Variants in CACNA1C observed in about 807,000 individuals in gnomAD.
CACNA1C encodes the protein calcium voltage-gated channel subunit alpha1 C, also known as voltage-dependent L-type calcium channel subunit alpha-1C.
A neutral mutation model predicts 229.0 loss-of-function variants in CACNA1C; 30 were observed. The ratio of observed to expected loss-of-function variants is 0.13; its 90% CI spans 0.10 to 0.18. The LOEUF is 0.18. Ranked by LOEUF, CACNA1C falls within the 10% of genes least tolerant of loss-of-function variation. CACNA1C has a pLI of 1.00. For missense variants in CACNA1C, 1,658 were observed against 2,845.0 expected, an observed-to-expected ratio of 0.58 and a Z score of 9.49; for synonymous variants, 1,114 against 1,132.5, an observed-to-expected ratio of 0.98 and a Z score of 0.33.
intron 3 of CACNA1C, among the ~76,000 whole-genome samples, chr12:2,392,996 A>G (rs2098512168): frequency 6.6e-6 from 1 of 152,140 alleles, no homozygotes. Context: ...TTAACCCTCT[A>G]GTATTAGCAC....
At chr12:2,310,901 A>G (rs902396048) in intron 3 of CACNA1C, among the ~76,000 whole-genome samples, 8 of 152,214 alleles carry the variant, frequency 5.3e-5, no homozygotes, top group African/African-American at 1.9e-4. Context: ...TGAGGGGTAG[A>G]AAAAGGAAGA....
intron 3 of CACNA1C, among the ~76,000 whole-genome samples, chr12:2,415,561 C>A (rs113171976): frequency 1.1e-4 from 17 of 152,190 alleles, no homozygotes; most frequent in Middle Eastern, 3.2e-3. Flanking sequence ...ACACCACCGT[C>A]CCAAGAAGAA....
intron 3 of CACNA1C, among the ~76,000 whole-genome samples, chr12:2,163,670 T>C (rs1169478663): frequency 1.3e-5 from 2 of 152,186 alleles, no homozygotes; most frequent in African/African-American, 4.8e-5. Context: ...GCAGGCGAGT[T>C]GACCATGGCT....
chr12:2,095,389 C>T (rs1386397378), intron 1 of CACNA1C, among the ~76,000 whole-genome samples: 3 of 152,198 alleles, frequency 2.0e-5, no homozygotes, highest in Non-Finnish European at 4.4e-5. Context: ...GTTTTTACAG[C>T]TCTAGGTTCT....
chr12:2,496,204 G>A (rs1053688843), intron 7 of CACNA1C, among the ~76,000 whole-genome samples: 1 of 152,182 alleles, frequency 6.6e-6, no homozygotes, highest in African/African-American at 2.4e-5. Flanking sequence ...GTTTGAAAAC[G>A]CTGGAAATCT....
chr12:2,367,359 C>A (rs2097753928), intron 3 of CACNA1C, among the ~76,000 whole-genome samples: 1 of 152,180 alleles, frequency 6.6e-6, no homozygotes, highest in African/African-American at 2.4e-5. Context: ...CGGTACCGGT[C>A]CGCCATTGTG....
chr12:2,100,249 C>A (rs528420791), intron 1 of CACNA1C, among the ~76,000 whole-genome samples: 1 of 151,954 alleles, frequency 6.6e-6, no homozygotes, highest in African/African-American at 2.4e-5. Context: ...ACTTCGAGAC[C>A]AGCCTGGCCA....
chr12:1,994,086 T>C (rs1446051435), intron 1 of CACNA1C, among the ~76,000 whole-genome samples: 2 of 152,246 alleles, frequency 1.3e-5, no homozygotes, highest in African/African-American at 4.8e-5. Flanking sequence ...TCAATAAACC[T>C]TGAATGCCTG....
In CACNA1C at chr12:2,352,702, G is replaced by A. The variant is rs188348955; in HGVS notation, c.478-96274G>A. Reference sequence around the variant, plus strand: ...TGGGGAGATGCTGGTTACCCCCAAGGATGCTGAATTAGCACTGCATTACTT... The same window carrying A: ...TGGGGAGATGCTGGTTACCCCCAAGAATGCTGAATTAGCACTGCATTACTT... On this transcript the variant is annotated intron_variant, in intron 3 of 46. Transcript: ENST00000399655. Among the ~76,000 whole-genome samples the A allele has an allele frequency of 1.2e-3, 180 of 149,538 alleles. 2 individuals are homozygous for A. Among genetic ancestry groups the A allele is most frequent in the Non-Finnish European group, 2.7e-4 (18 of 66,892 alleles).
chr12:2,266,027 G>A (rs534268074), intron 3 of CACNA1C, among the ~76,000 whole-genome samples: 14 of 152,348 alleles, frequency 9.2e-5, no homozygotes, highest in Admixed American at 1.3e-4. Flanking sequence ...ATGCCTCATC[G>A]TTGGGCTCCG....
intron 7 of CACNA1C, among the ~76,000 whole-genome samples, chr12:2,497,375 CTGATAGGGGT>C (rs2099748790): frequency 6.6e-6 from 1 of 152,182 alleles, no homozygotes; most frequent in Non-Finnish European, 1.5e-5. Context: ...GACATGGCCA[CTGATAGGGGT>C]TGGGGACACA....
At chr12:2,209,319 A>G (rs1202766685) in intron 3 of CACNA1C, among the ~76,000 whole-genome samples, 1 of 152,206 alleles carries the variant, frequency 6.6e-6, no homozygotes, top group East Asian at 1.9e-4. Context: ...AACACCAACA[A>G]TCCTTATGAA....
At chr12:2,513,208 A>G (rs947384870) in intron 9 of CACNA1C, among the ~76,000 whole-genome samples, 6 of 152,236 alleles carry the variant, frequency 3.9e-5, no homozygotes, top group African/African-American at 1.2e-4. Context: ...TCCTTTTAGA[A>G]TATTTCACCT....
intron 1 of CACNA1C, among the ~76,000 whole-genome samples, chr12:2,000,085 C>T (rs4765873): frequency 0.09 from 13,738 of 152,154 alleles, 1,015 homozygotes; most frequent in East Asian, 0.41. Flanking sequence ...GAAAATGGCC[C>T]CTACAGTACA....
At chr12:2,143,488 A>G (rs1005457385) in intron 3 of CACNA1C, among the ~76,000 whole-genome samples, 4 of 150,884 alleles carry the variant, frequency 2.7e-5, no homozygotes, top group Non-Finnish European at 5.9e-5. Context: ...TACCTTATCT[A>G]TGTTTAGACA....
At chr12:2,548,065 T>C (rs544644809) in intron 9 of CACNA1C, among the ~76,000 whole-genome samples, 67 of 150,556 alleles carry the variant, frequency 4.5e-4, no homozygotes, top group Non-Finnish European at 8.9e-4. Context: ...AAACTAAAAA[T>C]AAAAAATAAA....
At chr12:2,402,527 G>C (rs1287980582) in intron 3 of CACNA1C, among the ~76,000 whole-genome samples, 1 of 152,224 alleles carries the variant, frequency 6.6e-6, no homozygotes, top group Non-Finnish European at 1.5e-5. Context: ...ACTTGCTGCT[G>C]TGTGACCCTA....
chr12:2,300,923 G>A (rs1417039036), intron 3 of CACNA1C, among the ~76,000 whole-genome samples: 3 of 152,296 alleles, frequency 2.0e-5, no homozygotes, highest in African/African-American at 2.4e-5. Flanking sequence ...CAAGAGTGAC[G>A]GCTGAGATGG....
chr12:2,480,211 C>T (rs1230463225), intron 5 of CACNA1C, among the ~76,000 whole-genome samples: 2 of 152,142 alleles, frequency 1.3e-5, no homozygotes, highest in African/African-American at 2.4e-5. Flanking sequence ...GGCTGACAGA[C>T]GGAGAGCCCT....
Sources: allele counts gnomAD v4.1 joint callset (sites outside exome capture counted in the v4.1 genomes callset), GRCh38; gene constraint gnomAD v4.1.1; transcripts MANE v1.5; gene names NCBI Gene and HGNC (gene_info 2026-07-23, HGNC 2026-07-21).